Variants in KIAA2012 observed in about 807,000 individuals in gnomAD.
The protein encoded by KIAA2012 is uncharacterized protein KIAA2012.
In KIAA2012, 125 loss-of-function variants were observed where a neutral mutation model predicts 150.6. That is an observed-to-expected ratio of 0.83 (90% CI 0.72 to 0.96). The LOEUF (loss-of-function observed/expected upper bound fraction) is 0.96. Among genes scored for constraint, KIAA2012 ranks in the 40% least tolerant of loss-of-function variants. The pLI is 0.00. For missense variants in KIAA2012, 1,219 were observed against 1,354.9 expected (o/e 0.90, Z 1.57); for synonymous variants, 462 against 504.7 (o/e 0.92, Z 1.13).
intron 2 of KIAA2012, among the ~76,000 whole-genome samples, chr2:202,075,940 T>C (rs1462723789): frequency 2.0e-5 from 3 of 152,260 alleles, no homozygotes; most frequent in Admixed American, 1.3e-4. Context: ...GCTCCATGTC[T>C]AGCCACATTT....
chr2:202,168,289 C>T (rs1365564298), intron 15 of KIAA2012, among the ~76,000 whole-genome samples: 2 of 151,054 alleles, frequency 1.3e-5, no homozygotes, highest in East Asian at 2.0e-4. Context: ...TGTGGTGGCA[C>T]GTGCCTGTAG....
At chr2:202,130,960 G>A (rs1690915204) in intron 12 of KIAA2012, among the ~76,000 whole-genome samples, 1 of 151,936 alleles carries the variant, frequency 6.6e-6, no homozygotes, top group Admixed American at 6.6e-5. Flanking sequence ...AAAGAAAGAA[G>A]TATGAGTCTT....
intron 2 of KIAA2012, among the ~76,000 whole-genome samples, chr2:202,080,032 TTAAC>T (rs1689411392): frequency 6.6e-6 from 1 of 152,200 alleles, no homozygotes; most frequent in African/African-American, 2.4e-5. Flanking sequence ...GGGCTTGACA[TTAAC>T]TAATTTGCTC....
rs112360052 is a variant in KIAA2012 at position 202,139,234 on chromosome 2, GAA to G, written c.1908+743_1908+744del. Among the ~76,000 whole-genome samples the G allele has an allele frequency of 2.2e-3, 261 of 116,308 alleles. 2 individuals carry two copies. The highest frequency in any genetic ancestry group is 0.013 in the East Asian group (53 of 4,120). 76.3% of individuals were successfully genotyped at this position (116,308 alleles called of 152,430 possible). On this transcript the variant is annotated intron_variant, in intron 13 of 23. Transcript: ENST00000498697. Reference sequence around the variant, plus strand: ...AATCCAGAGTGAGACCCTGTCTCAGGAAAAAAAAAAAAAAAAAAGAATATCTA... The same window carrying G: ...AATCCAGAGTGAGACCCTGTCTCAGGAAAAAAAAAAAAAAAAGAATATCTA...
At position 202,105,774 on chromosome 2, in the gene KIAA2012, TG is replaced by T. The variant is rs1690171555; in HGVS notation, c.1339del (p.Glu447SerfsTer18). The T allele has an allele frequency of 3.2e-6, 5 of 1,550,448 alleles. No individual in the cohort carries two copies. The African/African-American group carries it at 6.8e-5, about 21-fold the overall frequency. ...TTTGTCTCCTAGGTGCTCCACACCC[TG>T]AGTCAGAACCAGAAAGCAGCGAAGA... ...KAHRRGAPHP[E>X]SEPESSEEST... On this transcript the variant is annotated frameshift_variant, in exon 9 of 24. Transcript: ENST00000498697. LOFTEE classifies it high-confidence loss of function.
At chr2:202,165,777 T>C (rs1237749995) in intron 15 of KIAA2012, among the ~76,000 whole-genome samples, 4 of 152,196 alleles carry the variant, frequency 2.6e-5, no homozygotes, top group Non-Finnish European at 1.5e-5. Context: ...CTTAACTTGA[T>C]CTTTTTCTGT....
intron 22 of KIAA2012, among the ~76,000 whole-genome samples, chr2:202,199,351 C>T (rs1574319610): frequency 6.6e-6 from 1 of 152,174 alleles, no homozygotes; most frequent in African/African-American, 2.4e-5. Context: ...TGGCTTACTG[C>T]AACCTCCACC....
chr2:202,097,310 G>C (rs1689910613), intron 4 of KIAA2012, 125 bp from the exon 5 acceptor site: 1 of 1,423,764 alleles, frequency 7.0e-7, no homozygotes, highest in African/African-American at 1.4e-5. Flanking sequence ...TAAGGGAGGA[G>C]GGGGAGCAAG....
At chr2:202,161,140 T>C in intron 14 of KIAA2012, among the ~76,000 whole-genome samples, 1 of 152,204 alleles carries the variant, frequency 6.6e-6, no homozygotes, top group East Asian at 1.9e-4. Context: ...GTAACTCCTA[T>C]GGTCTGTAAG....
intron 15 of KIAA2012, among the ~76,000 whole-genome samples, chr2:202,182,059 G>T (rs1692131176): frequency 1.4e-5 from 2 of 144,128 alleles, no homozygotes; most frequent in South Asian, 2.3e-4. Flanking sequence ...GCATTTTCTA[G>T]AATTTTATAT....
At position 202,079,564 on chromosome 2, in the gene KIAA2012, C is replaced by T. The variant is rs577633216; in HGVS notation, c.369+4389C>T. ...ATCTGACAGCACACATGTGGCAACC[C>T]GTCTGGAGTTTATAGCTCAGCATAC... On this transcript the variant is annotated intron_variant, in intron 2 of 23. Coordinates refer to ENST00000498697, the MANE Select transcript of KIAA2012 (RefSeq NM_001277372.4). Among the ~76,000 whole-genome samples, 5 of 152,298 alleles carry T rather than the reference C, an allele frequency of 3.3e-5. No homozygotes were observed. In the East Asian group the frequency reaches 5.8e-4, roughly 18 times the overall value.
chr2:202,181,241 A>T (rs1692113596), intron 15 of KIAA2012, among the ~76,000 whole-genome samples: 1 of 152,162 alleles, frequency 6.6e-6, no homozygotes, highest in African/African-American at 2.4e-5. Context: ...AAGTCCTGGG[A>T]TTATACACAT....
At chr2:202,143,389 T>A (rs1691235245) in intron 13 of KIAA2012, among the ~76,000 whole-genome samples, 1 of 152,170 alleles carries the variant, frequency 6.6e-6, no homozygotes, top group South Asian at 2.1e-4. Flanking sequence ...CCCAGCCTGA[T>A]TTAACATTTT....
chr2:202,129,796 C>A (rs1451367562), intron 12 of KIAA2012, among the ~76,000 whole-genome samples: 1 of 151,910 alleles, frequency 6.6e-6, no homozygotes, highest in East Asian at 1.9e-4. Context: ...ATAGCAAGAC[C>A]CTGTCTCTAA....
intron 1 of KIAA2012, among the ~76,000 whole-genome samples, chr2:202,074,276 G>A (rs1689271920): frequency 6.6e-6 from 1 of 152,030 alleles, no homozygotes; most frequent in African/African-American, 2.4e-5. Context: ...TTGCAAATTT[G>A]GGGGTCATAC....
chr2:202,158,625 G>A lies in KIAA2012; in HGVS notation c.2046+3815G>A, dbSNP rs563461029. Reference sequence around the variant, plus strand: ...GATCCACCTGCCTCAGTCTCCCAAAGTGCTGGGATTACTAGCGTGAGCCAC... The same window carrying A: ...GATCCACCTGCCTCAGTCTCCCAAAATGCTGGGATTACTAGCGTGAGCCAC... On this transcript the variant is annotated intron_variant, in intron 14 of 23. Coordinates refer to ENST00000498697, the MANE Select transcript of KIAA2012 (RefSeq NM_001277372.4). 2.0e-5 allele frequency among the ~76,000 whole-genome samples: 3 copies of A among 152,246 alleles called. No individual in the cohort carries two copies. In the East Asian group the frequency reaches 5.8e-4, roughly 29 times the overall value.
chr2:202,075,232 C>A (rs1325485863), intron 2 of KIAA2012, 57 bp downstream of exon 2: 6 of 1,467,774 alleles, frequency 4.1e-6, no homozygotes, highest in Middle Eastern at 2.5e-4. Flanking sequence ...TCTAGAAACC[C>A]AGTTGCAGCT....
Position 202,144,579 on chromosome 2 carries a change from G to A in KIAA2012, c.1908+6071G>A, listed in dbSNP as rs117506963. 3.9e-5 allele frequency among the ~76,000 whole-genome samples: 6 copies of A among 152,206 alleles called. No homozygotes were observed. The East Asian group carries it at 1.2e-3, about 29-fold the overall frequency. On this transcript the variant is annotated intron_variant, in intron 13 of 23. Coordinates refer to ENST00000498697, the MANE Select transcript of KIAA2012 (RefSeq NM_001277372.4). Reference sequence around the variant, plus strand: ...CTATGTTTTGTACAAGGGTACAATCGTAACCTTTTATTTCAGTGTCCTTTT... The same window carrying A: ...CTATGTTTTGTACAAGGGTACAATCATAACCTTTTATTTCAGTGTCCTTTT...
intron 2 of KIAA2012, among the ~76,000 whole-genome samples, chr2:202,086,167 CAAAAAAAAA>C (rs56207993): frequency 3.3e-5 from 3 of 90,152 alleles, no homozygotes; most frequent in East Asian, 3.4e-4. Context: ...AACTCTGTCT[CAAAAAAAAA>C]AAAAAAAAAA....
Sources: gnomAD v4.1 joint callset for allele counts (sites outside exome capture counted in the v4.1 genomes callset) on GRCh38, gnomAD v4.1.1 for gene constraint, MANE v1.5 for transcripts, NCBI Gene and HGNC (gene_info 2026-07-23, HGNC 2026-07-21) for gene names.